Variants in AP1S1 observed in about 807,000 individuals in gnomAD.
The protein encoded by AP1S1 is adaptor related protein complex 1 subunit sigma 1, also known as AP-1 complex subunit sigma-1A.
AP1S1 carries 13 observed loss-of-function variants against 23.9 expected under a neutral mutation model. The observed-to-expected ratio is 0.54, with a 90% CI of 0.35 to 0.86. The LOEUF is 0.86. AP1S1 is among the 40% of genes least tolerant of loss of function. The pLI, the probability that AP1S1 is intolerant of heterozygous loss-of-function variation, is 0.01. For missense variants in AP1S1, 119 were observed against 197.6 expected (o/e 0.60, Z 2.38); for synonymous variants, 84 against 77.7 (o/e 1.08, Z -0.43).
rs147914700 is a variant in AP1S1 at position 101,160,006 on chromosome 7, A to ACACACATGCCCTGGCACACACACC, written c.430-511_430-510insCACATGCCCTGGCACACACACCCA. On this transcript the variant is annotated intron_variant, in intron 4 of 4. Coordinates refer to ENST00000337619, the MANE Select transcript of AP1S1 (RefSeq NM_001283.5). ...GGCGCGCACACACACACACACACAC[A>ACACACATGCCCTGGCACACACACC]CATGCCCTGGCACACACACCCATCG... Among the ~76,000 whole-genome samples, 555 of 147,516 alleles carry ACACACATGCCCTGGCACACACACC rather than the reference A, an allele frequency of 3.8e-3. 2 individuals are homozygous for ACACACATGCCCTGGCACACACACC. The highest frequency in any genetic ancestry group is 5.7e-3 in the Non-Finnish European group (382 of 66,736).
chr7:101,157,577 G>C, intron 3 of AP1S1, 92 bp downstream of exon 3: 2 of 976,808 alleles, frequency 2.0e-6, no homozygotes, highest in Non-Finnish European at 3.2e-6. Flanking sequence ...TGCCCTGGAA[G>C]TTTCAGGGGA....
intron 3 of AP1S1, 76 bp downstream of exon 3, chr7:101,157,561 A>G: frequency 2.6e-6 from 3 of 1,158,016 alleles, no homozygotes; most frequent in Admixed American, 2.0e-5. Flanking sequence ...AGGCCCCTCC[A>G]GTCTCTGCCC....
Position 101,154,510 on chromosome 7 carries a change from G to C in AP1S1, c.-5G>C. ...AGTGGGACGCGCCGAGCCGGAGGCT[G>C]CAGGATGGTAGGCTGTGCGAAGAGG... On this transcript the variant is annotated 5_prime_UTR_variant, in exon 1 of 5. Transcript: ENST00000337619. 6.4e-7 allele frequency: 1 copy of C among 1,573,790 alleles called. No homozygotes were observed. The highest frequency in any genetic ancestry group is 8.6e-7 in the Non-Finnish European group (1 of 1,160,240).
chr7:101,155,257 C>T (rs1051505621), intron 1 of AP1S1, among the ~76,000 whole-genome samples: 8 of 152,146 alleles, frequency 5.3e-5, no homozygotes, highest in Non-Finnish European at 1.0e-4. Flanking sequence ...TTTTCACTTA[C>T]TAAGCTAGTA....
rs764480951 is a variant in AP1S1 at position 101,156,662 on chromosome 7, G to A, written c.72G>A (p.Ser24=). 1.2e-5 allele frequency: 19 copies of A among 1,611,802 alleles called. No individual in the cohort carries two copies. The African/African-American group carries it at 2.1e-4, about 18-fold the overall frequency. ...LRLQKWYLAT[S]DKERKKMVRE... is the part of the protein sequence containing the mutation. Reference sequence around the variant, plus strand: ...TGCAAAAATGGTACCTGGCCACTTCGGACAAGGAACGGAAGAAGATGGTGC... The same window carrying A: ...TGCAAAAATGGTACCTGGCCACTTCAGACAAGGAACGGAAGAAGATGGTGC... The change falls in exon 2 of 5, where the codon TCG becomes TCA. Residue 24 remains serine (S), a synonymous_variant. Transcript: ENST00000337619.
chr7:101,155,885 C>T (rs897871465), intron 1 of AP1S1, among the ~76,000 whole-genome samples: 3 of 152,124 alleles, frequency 2.0e-5, no homozygotes, highest in African/African-American at 4.8e-5. Context: ...ATTTTACTTA[C>T]CTTTAGAAAG....
At position 101,159,172 on chromosome 7, in the gene AP1S1, C is replaced by T. The variant is rs753086282; in HGVS notation, c.405C>T (p.Ile135=). The T allele has an allele frequency of 6.5e-5, 105 of 1,612,882 alleles. No individual in the cohort carries two copies. The highest frequency in any genetic ancestry group is 8.6e-5 in the Non-Finnish European group (102 of 1,179,532). Reference sequence around the variant, plus strand: ...CCAAGAAGAGTGTGCTGAAAGCCATCGAGCAGGCTGACCTACTGCAAGAGG... The same window carrying T: ...CCAAGAAGAGTGTGCTGAAAGCCATTGAGCAGGCTGACCTACTGCAAGAGG... ...DTSKKSVLKA[I]EQADLLQEED... is the part of the protein sequence containing the mutation. The change falls in exon 4 of 5, where the codon ATC becomes ATT. Residue 135 remains isoleucine, a synonymous_variant. Coordinates refer to ENST00000337619, the MANE Select transcript of AP1S1 (RefSeq NM_001283.5).
chr7:101,155,072 A>G, intron 1 of AP1S1: 1 of 975,486 alleles, frequency 1.0e-6, no homozygotes, highest in Non-Finnish European at 1.2e-6. Flanking sequence ...CGAGGGACCC[A>G]GGCTTTGGGA....
intron 3 of AP1S1, among the ~76,000 whole-genome samples, chr7:101,158,293 C>T (rs936582922): frequency 3.9e-5 from 6 of 152,196 alleles, no homozygotes; most frequent in African/African-American, 7.2e-5. Context: ...CTCGTTTGCT[C>T]CTTATCCCAT....
chr7:101,157,201 C>G (rs10237161), intron 2 of AP1S1, among the ~76,000 whole-genome samples, 176 bp from the exon 3 acceptor site: 1 of 152,176 alleles, frequency 6.6e-6, no homozygotes, highest in African/African-American at 2.4e-5. Context: ...GCGTTCTTTG[C>G]ATGTTTTTAA....
rs376630990 is a variant in AP1S1, at chr7:101,157,497, C to T, written c.291+12C>T. The T allele has an allele frequency of 3.4e-5, 52 of 1,538,946 alleles. No individual in the cohort carries two copies. The highest frequency in any genetic ancestry group is 4.5e-5 in the Non-Finnish European group (51 of 1,135,028). ...AATACTTTGGCAGTGTAAGTCTCCT[C>T]TGCCCACCAGTTTCCATTCCCAGCA... On this transcript the variant is annotated intron_variant, in intron 3 of 4. Coordinates refer to ENST00000337619, the MANE Select transcript of AP1S1 (RefSeq NM_001283.5).
At chr7:101,159,692 G>A (rs543547802) in intron 4 of AP1S1, 3 of 157,032 alleles carry the variant, frequency 1.9e-5, no homozygotes, top group East Asian at 3.9e-4. Flanking sequence ...GGGATTTGGG[G>A]GCTGGCAGAG....
At chr7:101,159,231 C>T (rs776050966) in intron 4 of AP1S1, 35 bp downstream of exon 4, 39 of 1,581,538 alleles carry the variant, frequency 2.5e-5, no homozygotes, top group Non-Finnish European at 2.7e-5. Flanking sequence ...GAGGAGGAAG[C>T]GCACAGTGGC....
chr7:101,156,213 CAGAG>C (rs1394803931), intron 1 of AP1S1, among the ~76,000 whole-genome samples: 3 of 152,120 alleles, frequency 2.0e-5, no homozygotes, highest in East Asian at 3.9e-4. Context: ...GCCTGGGCGA[CAGAG>C]AGAGACTCTG....
Position 101,159,126 on chromosome 7 carries a change from G to A in AP1S1, c.359G>A (p.Gly120Glu). ...TTCATCCTGGATGAGTTTTTGATGG[G>A]GGGGGATGTCCAGGACACCTCCAAG... Reference protein sequence around the residue: ...AYFILDEFLMGGDVQDTSKKS... With the variant: ...AYFILDEFLMEGDVQDTSKKS... Residue 120 changes from glycine to glutamate, a missense_variant, in exon 4 of 5, where the codon GGG (glycine) becomes GAG (glutamate). Coordinates refer to ENST00000337619, the MANE Select transcript of AP1S1 (RefSeq NM_001283.5). The A allele has an allele frequency of 1.2e-6, 2 of 1,613,814 alleles. No individual in the cohort carries two copies. The highest frequency in any genetic ancestry group is 2.2e-5 in the East Asian group (1 of 44,888).
At chr7:101,154,895 G>T in intron 1 of AP1S1, 1 of 1,039,126 alleles carries the variant, frequency 9.6e-7, no homozygotes, top group Non-Finnish European at 1.2e-6. Context: ...CAGTCACCGA[G>T]ACCCCCTTCC....
At chr7:101,160,371 G>C (rs1797076613) in intron 4 of AP1S1, 148 bp from the exon 5 acceptor site, 1 of 954,050 alleles carries the variant, frequency 1.0e-6, no homozygotes, top group African/African-American at 1.6e-5. Flanking sequence ...AGGGCTCACT[G>C]GTCCGGCCTT....
chr7:101,160,375 C>G (rs1000169903), intron 4 of AP1S1, 144 bp from the exon 5 acceptor site: 1 of 990,028 alleles, frequency 1.0e-6, no homozygotes. Flanking sequence ...CTCACTGGTC[C>G]GGCCTTGGGC....
At chr7:101,157,619 T>A in intron 3 of AP1S1, 134 bp downstream of exon 3, 2 of 703,592 alleles carry the variant, frequency 2.8e-6, no homozygotes, top group Non-Finnish European at 5.0e-6. Context: ...GAACAGTAAT[T>A]AATTTCCCTT....
Sources: gnomAD v4.1 joint callset for allele counts (sites outside exome capture counted in the v4.1 genomes callset) on GRCh38, gnomAD v4.1.1 for gene constraint, MANE v1.5 for transcripts, NCBI Gene and HGNC (gene_info 2026-07-23, HGNC 2026-07-21) for gene names.